The following TTN variants were observed in gnomAD, a reference collection of about 807,000 sequenced individuals.
TTN encodes the protein titin.
TTN carries 1,525 observed loss-of-function variants against 3,223.0 expected under a neutral mutation model. The observed-to-expected ratio is 0.47, with a 90% CI of 0.45 to 0.49. TTN has a LOEUF of 0.49. Among genes scored for constraint, TTN ranks in the 20% least tolerant of loss-of-function variants. The probability of loss-of-function intolerance (pLI) is 0.00; values close to 1 mark genes in which losing one functional copy is unlikely to be tolerated. For synonymous variants in TTN, 14,094 were observed against 15,161.0 expected (o/e 0.93, Z 5.17); for missense variants, 40,786 against 43,424.0 (o/e 0.94, Z 5.40).
intron 362 of TTN, 63 bp from the exon 363 acceptor site, chr2:178,527,370 C>G (rs919809050): frequency 2.0e-5 from 31 of 1,568,114 alleles, no homozygotes; most frequent in Non-Finnish European, 2.7e-5. Flanking sequence ...GATTTGCTTT[C>G]TACTGAATTG....
intron 151 of TTN, among the ~76,000 whole-genome samples, 161 bp from the exon 152 acceptor site, chr2:178,673,871 A>C (rs755199270): frequency 2.0e-5 from 3 of 151,846 alleles, no homozygotes; most frequent in Non-Finnish European, 4.4e-5. Context: ...CTAGAGGTGT[A>C]AAGGATATTA....
At chr2:178,529,352 T>C (rs1440043335) in intron 359 of TTN, 133 bp from the exon 360 acceptor site, 5 of 602,762 alleles carry the variant, frequency 8.3e-6, no homozygotes, top group Non-Finnish European at 1.3e-5. Flanking sequence ...TAATACCTAA[T>C]ACTTTCTCAG....
rs371840978 is a variant in TTN, at chr2:178,546,611, C to T, written c.94817G>A (p.Arg31606Gln). The T allele has an allele frequency of 1.4e-5, 23 of 1,608,482 alleles. No individual in the cohort carries two copies. Among genetic ancestry groups the T allele is most frequent in the African/African-American group, 1.1e-4 (8 of 74,812 alleles). ...GSESTGPVTCRDEYAPPKAEL... is the reference protein window; with the variant it reads ...GSESTGPVTCQDEYAPPKAEL... ...TGACTATTTCCTACCGTATTCATCTCGGCAAGTGACAGGGCCTGTAGATTC... is the reference window on the plus strand; with the variant it reads ...TGACTATTTCCTACCGTATTCATCTTGGCAAGTGACAGGGCCTGTAGATTC... Residue 31606 changes from arginine to glutamine, a missense_variant, in exon 341 of 363, where the codon CGA (arginine) becomes CAA (glutamine). Arg to Gln is a conservative substitution (Grantham distance 43). Coordinates refer to ENST00000589042, the MANE Select transcript of TTN (RefSeq NM_001267550.2).
intron 133 of TTN, 30 bp from the exon 134 acceptor site, chr2:178,683,321 T>C (rs1256825761): frequency 1.6e-5 from 22 of 1,349,740 alleles, no homozygotes; most frequent in Non-Finnish European, 2.2e-5. Flanking sequence ...AAAAGTGAAT[T>C]GCAAGATTCT....
intron 88 of TTN, among the ~76,000 whole-genome samples, chr2:178,716,672 T>C (rs1418250141): frequency 6.6e-6 from 1 of 152,184 alleles, no homozygotes; most frequent in Non-Finnish European, 1.5e-5. Flanking sequence ...CATTCTCATC[T>C]GAATTCTCCT....
rs754645452 is a variant in TTN at position 178,689,842 on chromosome 2, G to A, written c.31817C>T (p.Ala10606Val). 1 of 1,611,910 alleles carries A rather than the reference G, an allele frequency of 6.2e-7. No homozygotes were observed. Among genetic ancestry groups the A allele is most frequent in the Non-Finnish European group, 8.5e-7 (1 of 1,179,242 alleles). Residue 10606 changes from alanine to valine, a missense_variant, in exon 122 of 363, where the codon GCA becomes GTA. Transcript: ENST00000589042. ...AGCTGGGGGAGCTTCCTTTTTCTTTGCAACAGGAACGGGAATCTTTTCTTC... is the reference window on the plus strand; with the variant it reads ...AGCTGGGGGAGCTTCCTTTTTCTTTACAACAGGAACGGGAATCTTTTCTTC... ...VPEEKIPVPVAKKKEAPPAKV... is the reference protein window; with the variant it reads ...VPEEKIPVPVVKKKEAPPAKV...
intron 354 of TTN, 173 bp from the exon 355 acceptor site, chr2:178,538,090 A>T (rs1172438563): frequency 1.2e-5 from 8 of 642,574 alleles, no homozygotes; most frequent in Admixed American, 3.1e-5. Context: ...TATGGTAAAT[A>T]GGGATTCAAT....
chr2:178,671,033 G>T, intron 156 of TTN, 57 bp downstream of exon 156: 1 of 1,343,496 alleles, frequency 7.4e-7, no homozygotes, highest in Non-Finnish European at 1.0e-6. Context: ...TGCTTATAAA[G>T]CAACCAAGGT....
Position 178,577,844 on chromosome 2 carries a change from A to G in TTN, c.68582T>C (p.Ile22861Thr). The G allele has an allele frequency of 6.2e-7, 1 of 1,602,804 alleles. No homozygotes were observed. The highest frequency in any genetic ancestry group is 1.3e-5 in the African/African-American group (1 of 74,566). Residue 22861 changes from isoleucine (I) to threonine (T), a missense_variant, in exon 323 of 363, where the codon ATT (isoleucine) becomes ACT (threonine). Physicochemically the swap from Ile to Thr is moderately conservative, Grantham distance 89. Coordinates refer to ENST00000589042, the MANE Select transcript of TTN (RefSeq NM_001267550.2). ...INITRNSVTL[I>T]WTEPKYDGGH... ...ACCGTCATATTTAGGTTCAGTCCAAATGAGAGTCACTGAATTCCTTGTTAT... is the reference window on the plus strand; with the variant it reads ...ACCGTCATATTTAGGTTCAGTCCAAGTGAGAGTCACTGAATTCCTTGTTAT...
Position 178,590,261 on chromosome 2 carries a change from C to T in TTN, c.61464G>A (p.Val20488=), listed in dbSNP as rs756816822. The change falls in exon 304 of 363, where the codon GTG becomes GTA. Residue 20488 remains valine (V), a synonymous_variant. Transcript: ENST00000589042. The stretch of plus-strand genomic sequence containing the variant: ...GAATGCGGATAGTTTGGCCTACTCT[C>T]ACGGTAATAACATCACGACAAGTAA... ...LDVTCRDVIT[V]RVGQTIRILA... 18 of 1,579,834 alleles carry T rather than the reference C, an allele frequency of 1.1e-5. No homozygotes were observed. The highest frequency in any genetic ancestry group is 8.6e-7 in the Non-Finnish European group (1 of 1,163,592).
intron 47 of TTN, 78 bp downstream of exon 47, chr2:178,753,046 A>G: frequency 1.7e-6 from 2 of 1,185,254 alleles, no homozygotes; most frequent in Non-Finnish European, 2.5e-6. Context: ...CAATAATACT[A>G]AGAGAAAGAA....
rs80136515 is a variant in TTN, at chr2:178,741,000, G to T, written c.12233C>A (p.Thr4078Asn). The change falls in exon 48 of 363, where the codon ACC becomes AAC. Residue 4078 changes from threonine (T) to asparagine (N), a missense_variant. Transcript: ENST00000589042. ...EQEIATFVKD[T>N]ILKAALITEE... ...TGTAATTAAAGCAGCTTTCAAAATG[G>T]TGTCTTTTACAAACGTTGCAATTTC... 26 of 1,613,770 alleles carry T rather than the reference G, an allele frequency of 1.6e-5. No individual in the cohort carries two copies. The highest frequency in any genetic ancestry group is 2.2e-5 in the Non-Finnish European group (26 of 1,179,828).
rs765839032 is a variant in TTN, at chr2:178,590,781, C to T, written c.60944G>A (p.Gly20315Asp). The T allele has an allele frequency of 2.2e-5, 35 of 1,606,708 alleles. No individual in the cohort carries two copies. Among genetic ancestry groups the T allele is most frequent in the Non-Finnish European group, 3.0e-5 (35 of 1,174,602 alleles). Reference sequence around the variant, plus strand: ...TGTTTTGTTGACCCTCACCCATTTGCCAGTTACTTCTCGACGTTCCATATA... The same window carrying T: ...TGTTTTGTTGACCCTCACCCATTTGTCAGTTACTTCTCGACGTTCCATATA... Reference protein sequence around the residue: ...GYYMERREVTGKWVRVNKTPI... With the variant: ...GYYMERREVTDKWVRVNKTPI... The change falls in exon 304 of 363, where the codon GGC becomes GAC. Residue 20315 changes from glycine (G) to aspartate (D), a missense_variant. Coordinates refer to ENST00000589042, the MANE Select transcript of TTN (RefSeq NM_001267550.2).
Position 178,569,670 on chromosome 2 carries a change from C to T in TTN, c.76462G>A (p.Gly25488Arg). Residue 25488 changes from glycine (G) to arginine (R), a missense_variant, in exon 326 of 363, where the codon GGA becomes AGA. Physicochemically the swap from Gly to Arg is moderately radical, Grantham distance 125. Transcript: ENST00000589042. Reference protein sequence around the residue: ...NFRICAINKAGVGEHADVPGP... With the variant: ...NFRICAINKARVGEHADVPGP... ...GGGACGTCAGCATGTTCTCCAACTC[C>T]AGCTTTATTAATAGCACAGATACGG... is the stretch of plus-strand genomic sequence containing the variant. The T allele has an allele frequency of 6.2e-7, 1 of 1,612,726 alleles. No homozygotes were observed. Among genetic ancestry groups the T allele is most frequent in the Non-Finnish European group, 8.5e-7 (1 of 1,179,366 alleles).
In TTN at chr2:178,591,148, A is replaced by G; in HGVS notation, c.60577T>C (p.Trp20193Arg). 1 of 1,613,328 alleles carries G rather than the reference A, an allele frequency of 6.2e-7. No individual in the cohort carries two copies. Among genetic ancestry groups the G allele is most frequent in the Non-Finnish European group, 8.5e-7 (1 of 1,179,540 alleles). The change falls in exon 304 of 363, where the codon TGG (tryptophan) becomes CGG (arginine). Residue 20193 changes from tryptophan (W) to arginine (R), a missense_variant. Coordinates refer to ENST00000589042, the MANE Select transcript of TTN (RefSeq NM_001267550.2). ...CCTCCATCATCCTTAGGTGGCTGCC[A>G]TGAGATAGTCATGTGTTCAGGAGTA... ...DVTPEHMTISWQPPKDDGGSP... is the reference protein window; with the variant it reads ...DVTPEHMTISRQPPKDDGGSP...
At chr2:178,603,736 G>T in intron 282 of TTN, 140 bp downstream of exon 282, 2 of 793,094 alleles carry the variant, frequency 2.5e-6, no homozygotes, top group Non-Finnish European at 3.8e-6. Flanking sequence ...ACTTCCGATA[G>T]TCTATGTGAA....
At position 178,528,517 on chromosome 2, in the gene TTN, A is replaced by G. The variant is rs1687564749; in HGVS notation, c.107223+11T>C. 2 of 1,600,826 alleles carry G rather than the reference A, an allele frequency of 1.2e-6. No homozygotes were observed. The highest frequency in any genetic ancestry group is 3.4e-5 in the Admixed American group (2 of 58,388). On this transcript the variant is annotated intron_variant, in intron 360 of 362. Transcript: ENST00000589042. Reference sequence around the variant, plus strand: ...GTTTTTCTTCAATAATATATTCATAATTAAACTTACTGGCAGGTTGTTTTT... The same window carrying G: ...GTTTTTCTTCAATAATATATTCATAGTTAAACTTACTGGCAGGTTGTTTTT...
At chr2:178,594,265 C>G in intron 296 of TTN, 23 bp from the exon 297 acceptor site, 1 of 1,599,124 alleles carries the variant, frequency 6.3e-7, no homozygotes, top group Non-Finnish European at 8.5e-7. Context: ...ATTATAAAGG[C>G]AAGTCATTTT....
chr2:178,775,244 A>G, intron 28 of TTN, 42 bp from the exon 29 acceptor site: 1 of 1,612,970 alleles, frequency 6.2e-7, no homozygotes, highest in Non-Finnish European at 8.5e-7. Context: ...AGCACATTAT[A>G]TTAAATTAAA....
Sources: allele counts gnomAD v4.1 joint callset (sites outside exome capture counted in the v4.1 genomes callset), GRCh38; gene constraint gnomAD v4.1.1; transcripts MANE v1.5; gene names NCBI Gene and HGNC (gene_info 2026-07-23, HGNC 2026-07-21).